ERBB4: variants seen among roughly 807,000 people sequenced by gnomAD.
The protein encoded by ERBB4 is erb-b2 receptor tyrosine kinase 4.
A neutral mutation model predicts 158.0 loss-of-function variants in ERBB4; 42 were observed. The observed-to-expected ratio is 0.27, with a 90% confidence interval of 0.21 to 0.34. The LOEUF (loss-of-function observed/expected upper bound fraction) is 0.34. Ranked by LOEUF, ERBB4 falls within the 10% of genes least tolerant of loss-of-function variation. ERBB4 has a pLI of 1.00. For synonymous variants in ERBB4, 583 were observed against 558.7 expected (o/e 1.04, Z -0.61); for missense variants, 1,333 against 1,624.1 (o/e 0.82, Z 3.08).
chr2:212,237,251 T>C (rs1413161649), intron 1 of ERBB4, among the ~76,000 whole-genome samples: 17 of 152,140 alleles, frequency 1.1e-4, no homozygotes, highest in Non-Finnish European at 5.9e-5. Context: ...GACCTTTGGA[T>C]GGGGTTTTTG....
chr2:212,475,231 G>A (rs1689325527), intron 1 of ERBB4, among the ~76,000 whole-genome samples: 1 of 152,128 alleles, frequency 6.6e-6, no homozygotes. Context: ...TCCCTTGCTT[G>A]GAAGGGTCCA....
intron 2 of ERBB4, among the ~76,000 whole-genome samples, chr2:211,988,089 T>G (rs929984858): frequency 2.0e-5 from 3 of 152,210 alleles, no homozygotes; most frequent in Admixed American, 6.5e-5. Context: ...AGGACTTTTT[T>G]ATTATCAGGC....
intron 25 of ERBB4, among the ~76,000 whole-genome samples, chr2:211,391,776 T>G (rs985699721): frequency 6.6e-6 from 1 of 152,210 alleles, no homozygotes; most frequent in Non-Finnish European, 1.5e-5. Flanking sequence ...TATATTTGTA[T>G]TATTTAATAT....
chr2:211,891,596 C>CA, intron 3 of ERBB4, among the ~76,000 whole-genome samples: 1 of 85,734 alleles, frequency 1.2e-5, no homozygotes. Context: ...AAAAACCCTT[C>CA]AAAAAATCAA....
At chr2:212,409,146 A>T (rs1445681430) in intron 1 of ERBB4, among the ~76,000 whole-genome samples, 1 of 152,182 alleles carries the variant, frequency 6.6e-6, no homozygotes, top group African/African-American at 2.4e-5. Flanking sequence ...TGCTTGAAAC[A>T]GAAATGAATA....
chr2:211,870,335 T>C (rs2078312935), intron 3 of ERBB4, among the ~76,000 whole-genome samples: 1 of 152,164 alleles, frequency 6.6e-6, no homozygotes, highest in South Asian at 2.1e-4. Flanking sequence ...CTTTACATTT[T>C]CAATTTACCT....
intron 19 of ERBB4, among the ~76,000 whole-genome samples, chr2:211,606,888 T>C (rs2125824680): frequency 6.6e-6 from 1 of 152,300 alleles, no homozygotes; most frequent in East Asian, 1.9e-4. Flanking sequence ...AAAAACCTTT[T>C]CTGATGTTAT....
intron 3 of ERBB4, among the ~76,000 whole-genome samples, chr2:211,939,791 T>C (rs1294191598): frequency 3.3e-5 from 5 of 151,532 alleles, no homozygotes; most frequent in Non-Finnish European, 5.9e-5. Context: ...AATAGAAATA[T>C]ACAAAATTAA....
intron 19 of ERBB4, among the ~76,000 whole-genome samples, chr2:211,584,302 G>A (rs2068197140): frequency 6.6e-6 from 1 of 151,788 alleles, no homozygotes; most frequent in Admixed American, 6.6e-5. Flanking sequence ...TATTTCATAG[G>A]TGCATATATA....
chr2:212,468,220 G>C (rs551261806), intron 1 of ERBB4, among the ~76,000 whole-genome samples: 1 of 152,278 alleles, frequency 6.6e-6, no homozygotes, highest in East Asian at 1.9e-4. Flanking sequence ...AACGAGTTAA[G>C]GCTTTGGGGG....
chr2:212,095,654 C>T (rs1033162722), intron 2 of ERBB4, among the ~76,000 whole-genome samples: 10 of 152,036 alleles, frequency 6.6e-5, no homozygotes, highest in Admixed American at 2.0e-4. Context: ...AAATTTTGGC[C>T]GGGCGCGGTG....
chr2:211,741,575 A>C (rs1035498950), intron 5 of ERBB4, among the ~76,000 whole-genome samples: 3 of 151,870 alleles, frequency 2.0e-5, no homozygotes, highest in African/African-American at 7.3e-5. Flanking sequence ...GGTGGGACCA[A>C]ATCTCTAGTT....
intron 1 of ERBB4, among the ~76,000 whole-genome samples, chr2:212,436,090 C>T (rs2092129348): frequency 6.6e-6 from 1 of 151,744 alleles, no homozygotes; most frequent in South Asian, 2.1e-4. Context: ...ATTTGTCAAT[C>T]ATTGTATATA....
intron 12 of ERBB4, among the ~76,000 whole-genome samples, chr2:211,701,708 ATCT>A: frequency 2.9e-5 from 4 of 139,976 alleles, no homozygotes. Context: ...GTGAGCCGAG[ATCT>A]CGCCACTGCA....
rs527777472 is a variant in ERBB4 at position 212,443,252 on chromosome 2, A to G, written c.82+95197T>C. ...ACCTTGATCACTTTTCATCTCCACAAGATATCATATTGGTCCATTACATTC... is the reference window on the plus strand; with the variant it reads ...ACCTTGATCACTTTTCATCTCCACAGGATATCATATTGGTCCATTACATTC... On this transcript the variant is annotated intron_variant, in intron 1 of 27. Transcript: ENST00000342788. 8.5e-5 allele frequency among the ~76,000 whole-genome samples: 13 copies of G among 152,342 alleles called. 1 individual carries two copies. The Middle Eastern group carries it at 0.017, about 199-fold the overall frequency.
intron 1 of ERBB4, among the ~76,000 whole-genome samples, chr2:212,467,988 A>T (rs887320508): frequency 2.0e-5 from 3 of 152,210 alleles, no homozygotes. Flanking sequence ...TAAAGCTGTA[A>T]GATTTGACTG....
At chr2:212,428,532 T>C (rs1326640623) in intron 1 of ERBB4, among the ~76,000 whole-genome samples, 3 of 152,050 alleles carry the variant, frequency 2.0e-5, no homozygotes, top group African/African-American at 4.8e-5. Flanking sequence ...AAATGGGAAA[T>C]GGCTAATCAA....
chr2:212,087,736 T>C (rs568618635), intron 2 of ERBB4, among the ~76,000 whole-genome samples: 1 of 152,230 alleles, frequency 6.6e-6, no homozygotes, highest in East Asian at 1.9e-4. Flanking sequence ...CTGCACTAGA[T>C]ACTTCTAAGA....
At chr2:212,122,045 TTATA>T (rs34626056) in intron 2 of ERBB4, among the ~76,000 whole-genome samples, 62,092 of 148,656 alleles carry the variant, frequency 0.42, 15,399 homozygotes, top group Non-Finnish European at 0.56. Context: ...TATTTTATAT[TTATA>T]TATATATATA....
Sources: allele counts gnomAD v4.1 joint callset (sites outside exome capture counted in the v4.1 genomes callset), GRCh38; gene constraint gnomAD v4.1.1; transcripts MANE v1.5; gene names NCBI Gene and HGNC (gene_info 2026-07-23, HGNC 2026-07-21).